Variants in NRG1 observed in about 807,000 individuals in gnomAD.
The protein encoded by NRG1 is pro-neuregulin-1, membrane-bound isoform.
Under a neutral mutation model 63.8 loss-of-function variants are expected in NRG1, and 18 were observed. The observed-to-expected ratio is 0.28, with a 90% CI of 0.19 to 0.42. The LOEUF (loss-of-function observed/expected upper bound fraction) is 0.42, where lower values mean the gene tolerates loss of function less well. Among genes scored for constraint, NRG1 ranks in the 10% least tolerant of loss-of-function variants. NRG1 has a pLI of 1.00. For synonymous variants in NRG1, 302 were observed against 301.3 expected, an observed-to-expected ratio of 1.00 and a Z score of -0.02; for missense variants, 762 against 814.7, an observed-to-expected ratio of 0.94 and a Z score of 0.79.
upstream of NRG1, among the ~76,000 whole-genome samples, chr8:32,543,714 A>T (rs2129521545): frequency 6.6e-6 from 1 of 152,346 alleles, no homozygotes; most frequent in South Asian, 2.1e-4. Flanking sequence ...AGAAAAACAT[A>T]AACATAGATT....
At chr8:32,197,803 T>A (rs1563898916) in intron 1 of NRG1, among the ~76,000 whole-genome samples, 1 of 152,184 alleles carries the variant, frequency 6.6e-6, no homozygotes, top group Admixed American at 6.5e-5. Flanking sequence ...ATCCCCTCCC[T>A]CTTCTGCATA....
Position 32,116,744 on chromosome 8 carries a change from A to G in NRG1, c.37+477313A>G, listed in dbSNP as rs574860634. Reference sequence around the variant, plus strand: ...TTTGTATTAATATGATAGGAGAGAAAGAAAGTGAAAGCATGCTTCTATAGC... The same window carrying G: ...TTTGTATTAATATGATAGGAGAGAAGGAAAGTGAAAGCATGCTTCTATAGC... On this transcript the variant is annotated intron_variant, in intron 1 of 10. Coordinates refer to the NRG1 transcript ENST00000519301. Among the ~76,000 whole-genome samples the G allele has an allele frequency of 4.6e-5, 7 of 152,216 alleles. No individual in the cohort carries two copies. In the South Asian group the frequency reaches 1.2e-3, roughly 27 times the overall value.
intron 1 of NRG1, among the ~76,000 whole-genome samples, chr8:32,565,711 A>C (rs1248041332): frequency 2.6e-5 from 4 of 151,972 alleles, no homozygotes; most frequent in Non-Finnish European, 5.9e-5. Flanking sequence ...GATATTTTTC[A>C]GGTTGTTATT....
At chr8:31,901,653 G>A (rs1428762711) in intron 1 of NRG1, among the ~76,000 whole-genome samples, 2 of 152,312 alleles carry the variant, frequency 1.3e-5, no homozygotes, top group East Asian at 3.9e-4. Context: ...CACAACGAAT[G>A]AACGTAAGAA....
intron 2 of NRG1, among the ~76,000 whole-genome samples, chr8:32,599,501 C>T (rs888474837): frequency 2.5e-4 from 38 of 152,248 alleles, no homozygotes; most frequent in Admixed American, 2.2e-3. Context: ...GTTTTGCCCA[C>T]GGTCCTACTA....
At chr8:32,483,929 C>A (rs1825611351) in intron 1 of NRG1, among the ~76,000 whole-genome samples, 1 of 152,070 alleles carries the variant, frequency 6.6e-6, no homozygotes, top group Non-Finnish European at 1.5e-5. Context: ...ATGGTGAAAA[C>A]CCGTCTCTAC....
chr8:32,416,811 T>G (rs1815982848), intron 1 of NRG1, among the ~76,000 whole-genome samples: 1 of 151,994 alleles, frequency 6.6e-6, no homozygotes, highest in Non-Finnish European at 1.5e-5. Flanking sequence ...CAACAGCCTC[T>G]GAAGTCGTTG....
At chr8:31,943,069 A>G (rs1174659954) in intron 1 of NRG1, among the ~76,000 whole-genome samples, 1 of 152,088 alleles carries the variant, frequency 6.6e-6, no homozygotes, top group Non-Finnish European at 1.5e-5. Flanking sequence ...ACTTGCACAT[A>G]TACCTGTATA....
chr8:31,905,972 C>T (rs1055629790), intron 1 of NRG1, among the ~76,000 whole-genome samples: 4 of 152,156 alleles, frequency 2.6e-5, no homozygotes, highest in South Asian at 2.1e-4. Flanking sequence ...TGATGAATAG[C>T]GTGAACAATA....
rs76542213 is a variant in NRG1, at chr8:32,643,915, A to T, written c.502+27030A>T. 2.6e-4 allele frequency among the ~76,000 whole-genome samples: 39 copies of T among 152,294 alleles called. 1 individual carries two copies. The East Asian group carries it at 7.3e-3, about 29-fold the overall frequency. ...TCTGGTTCTCATAGTCTCTCCTTGA[A>T]GTGGTATGTAATCAATAATATAATC... On this transcript the variant is annotated intron_variant, in intron 5 of 11. Coordinates refer to ENST00000356819, the Ensembl canonical transcript of NRG1.
chr8:31,693,307 C>T (rs746167402), intron 1 of NRG1, among the ~76,000 whole-genome samples: 1 of 152,172 alleles, frequency 6.6e-6, no homozygotes, highest in Non-Finnish European at 1.5e-5. Context: ...GTGACAAATA[C>T]AGAGATCTTT....
In NRG1 at chr8:32,612,278, G is replaced by T. The variant is rs141698372; in HGVS notation, c.401-2236G>T. Among the ~76,000 whole-genome samples the T allele has an allele frequency of 6.9e-3, 1,054 of 152,088 alleles. 13 individuals carry two copies. The highest frequency in any genetic ancestry group is 0.024 in the African/African-American group (984 of 41,528). ...TTCAATTTACTTTTAACAAAAGGCTGTTTTCCAAATCTATAAATTCTACCC... is the reference window on the plus strand; with the variant it reads ...TTCAATTTACTTTTAACAAAAGGCTTTTTTCCAAATCTATAAATTCTACCC... On this transcript the variant is annotated intron_variant, in intron 3 of 11. Coordinates refer to ENST00000356819, the Ensembl canonical transcript of NRG1.
At chr8:32,086,912 C>T (rs1471834117) in intron 1 of NRG1, among the ~76,000 whole-genome samples, 1 of 151,972 alleles carries the variant, frequency 6.6e-6, no homozygotes, top group Non-Finnish European at 1.5e-5. Context: ...TGAGATATAC[C>T]CTTTTAACAC....
intron 1 of NRG1, among the ~76,000 whole-genome samples, chr8:32,400,175 C>A (rs533443905): frequency 1.3e-5 from 2 of 152,176 alleles, no homozygotes; most frequent in South Asian, 4.1e-4. Flanking sequence ...TCTGTAGTAT[C>A]GCTTCAAATA....
At chr8:31,791,103 G>A (rs1170271360) in intron 1 of NRG1, among the ~76,000 whole-genome samples, 2 of 151,622 alleles carry the variant, frequency 1.3e-5, no homozygotes, top group Non-Finnish European at 2.9e-5. Context: ...CAGCTACCGG[G>A]AAGGCTGAGG....
intron 1 of NRG1, among the ~76,000 whole-genome samples, chr8:32,534,227 T>C (rs1035033519): frequency 1.3e-5 from 2 of 152,090 alleles, no homozygotes; most frequent in African/African-American, 4.8e-5. Context: ...TCCACAACCA[T>C]GCCTTAAGAT....
chr8:31,942,174 C>T (rs932496559), intron 1 of NRG1, among the ~76,000 whole-genome samples: 17 of 152,130 alleles, frequency 1.1e-4, no homozygotes, highest in African/African-American at 4.1e-4. Context: ...CAGCATGGTA[C>T]TGGTATAAAA....
chr8:32,106,122 T>A (rs1408273141), intron 1 of NRG1, among the ~76,000 whole-genome samples: 1 of 152,214 alleles, frequency 6.6e-6, no homozygotes, highest in African/African-American at 2.4e-5. Context: ...AGATGACTGC[T>A]TTAGACATAT....
At chr8:31,907,024 A>T (rs1323473019) in intron 1 of NRG1, among the ~76,000 whole-genome samples, 1 of 152,188 alleles carries the variant, frequency 6.6e-6, no homozygotes, top group Non-Finnish European at 1.5e-5. Flanking sequence ...ACTGATCCCA[A>T]CAGAGAAACA....
Sources: allele counts gnomAD v4.1 joint callset (sites outside exome capture counted in the v4.1 genomes callset), GRCh38; gene constraint gnomAD v4.1.1; transcripts MANE v1.5; gene names NCBI Gene and HGNC (gene_info 2026-07-23, HGNC 2026-07-21).